The following CLC variants were observed in gnomAD, a reference collection of about 807,000 sequenced individuals.
The protein encoded by CLC is Charcot-Leyden crystal galectin, also known as galectin-10.
CLC carries 15 observed loss-of-function variants against 13.9 expected under a neutral mutation model. The observed-to-expected ratio is 1.08, with a 90% CI of 0.72 to 1.66. The LOEUF is 1.66. CLC is among the 40% of genes most tolerant of loss of function. The pLI is 0.00. For missense variants in CLC, 161 were observed against 169.1 expected (o/e 0.95, Z 0.27); for synonymous variants, 68 against 59.9 (o/e 1.14, Z -0.63).
intron 3 of CLC, 52 bp from the exon 4 acceptor site, chr19:39,731,557 T>C (rs1248175853): frequency 1.3e-6 from 2 of 1,556,706 alleles, no homozygotes; most frequent in Non-Finnish European, 1.7e-6. Flanking sequence ...CAAACAAGCT[T>C]TCAGCCTGCT....
chr19:39,736,312 C>T (rs1967308773), intron 1 of CLC, among the ~76,000 whole-genome samples: 1 of 152,134 alleles, frequency 6.6e-6, no homozygotes, highest in East Asian at 1.9e-4. Flanking sequence ...GGGCAATGGA[C>T]GTCCTTCCCA....
chr19:39,737,568 C>T (rs1967332185), intron 1 of CLC, among the ~76,000 whole-genome samples: 1 of 151,996 alleles, frequency 6.6e-6, no homozygotes, highest in Non-Finnish European at 1.5e-5. Flanking sequence ...CGGCTGTGCT[C>T]ACACACACAC....
intron 2 of CLC, 41 bp from the exon 3 acceptor site, chr19:39,734,534 G>C: frequency 6.5e-7 from 1 of 1,540,054 alleles, no homozygotes; most frequent in Admixed American, 1.7e-5. Flanking sequence ...TCCCTTTCTT[G>C]TGGGGCACAC....
intron 1 of CLC, among the ~76,000 whole-genome samples, chr19:39,736,158 T>G (rs929366171): frequency 3.3e-5 from 5 of 151,330 alleles, no homozygotes; most frequent in Non-Finnish European, 7.4e-5. Flanking sequence ...AACTTGAGAT[T>G]GTGAGTTTTA....
intron 1 of CLC, among the ~76,000 whole-genome samples, 165 bp downstream of exon 1, chr19:39,737,773 C>A (rs959253451): frequency 6.6e-6 from 1 of 152,142 alleles, no homozygotes; most frequent in African/African-American, 2.4e-5. Flanking sequence ...CCCCCTACCC[C>A]AGGAGCATCT....
chr19:39,734,672 A>C lies in CLC; in HGVS notation c.93-179T>G, dbSNP rs1967281099. Reference sequence around the variant, plus strand: ...CTCCATGGGTGGAAAGAGATGCTCCAGCCCTCATCCACAGATGGAAACTGA... The same window carrying C: ...CTCCATGGGTGGAAAGAGATGCTCCCGCCCTCATCCACAGATGGAAACTGA... On this transcript the variant is annotated intron_variant, in intron 2 of 3. Coordinates refer to ENST00000221804, the MANE Select transcript of CLC (RefSeq NM_001828.6). Among the ~76,000 whole-genome samples, 3 of 152,310 alleles carry C rather than the reference A, an allele frequency of 2.0e-5. No individual in the cohort carries two copies. In the South Asian group the frequency reaches 6.2e-4, roughly 32 times the overall value.
At chr19:39,732,709 A>G (rs1967244218) in intron 3 of CLC, among the ~76,000 whole-genome samples, 2 of 149,194 alleles carry the variant, frequency 1.3e-5, no homozygotes, top group African/African-American at 2.5e-5. Context: ...ACAGTGTAAA[A>G]GTGTTCCTGT....
intron 2 of CLC, 56 bp from the exon 3 acceptor site, chr19:39,734,549 G>A: frequency 6.9e-7 from 1 of 1,444,598 alleles, no homozygotes. Flanking sequence ...GCACACACAA[G>A]ACACACACAC....
At chr19:39,731,610 C>T (rs780809009) in intron 3 of CLC, 105 bp from the exon 4 acceptor site, 126 of 1,233,906 alleles carry the variant, frequency 1.0e-4, no homozygotes, top group Non-Finnish European at 1.3e-4. Flanking sequence ...CCAGAAAATG[C>T]CTCATTATAT....
intron 1 of CLC, among the ~76,000 whole-genome samples, chr19:39,735,334 C>CT (rs1181937016): frequency 3.9e-5 from 6 of 151,924 alleles, no homozygotes; most frequent in Non-Finnish European, 7.4e-5. Context: ...TGTTTTGAAC[C>CT]TTTTTTTTAG....
chr19:39,734,589 A>G (rs1353374085), intron 2 of CLC, 96 bp from the exon 3 acceptor site: 2 of 1,055,226 alleles, frequency 1.9e-6, no homozygotes, highest in African/African-American at 3.1e-5. Context: ...GTGGTCGAGC[A>G]AAGACTTGTT....
In CLC at chr19:39,731,329, G is replaced by A. The variant is rs1301186815; in HGVS notation, c.*51C>T. ...AAGATCATGCTGTTAGCTGGCTTTG[G>A]AATCCCAAGTTCACGTAGAGACAGG... On this transcript the variant is annotated 3_prime_UTR_variant, in exon 4 of 4. Coordinates refer to ENST00000221804, the MANE Select transcript of CLC (RefSeq NM_001828.6). The A allele has an allele frequency of 3.1e-6, 5 of 1,594,760 alleles. No homozygotes were observed. The highest frequency in any genetic ancestry group is 1.7e-5 in the Admixed American group (1 of 59,890).
intron 1 of CLC, 147 bp from the exon 2 acceptor site, chr19:39,735,220 T>G: frequency 1.6e-6 from 1 of 612,644 alleles, no homozygotes; most frequent in Non-Finnish European, 2.9e-6. Flanking sequence ...GGACCCCGTA[T>G]TTTTCAAAAC....
chr19:39,735,846 CTG>C lies in CLC; in HGVS notation c.16-775_16-774del, dbSNP rs562362836. 3.7e-3 allele frequency among the ~76,000 whole-genome samples: 562 copies of C among 152,272 alleles called. 3 individuals carry two copies. The highest frequency in any genetic ancestry group is 4.6e-3 in the Non-Finnish European group (312 of 68,032). On this transcript the variant is annotated intron_variant, in intron 1 of 3. Transcript: ENST00000221804. ...CCTGCGATCATCTTCAACTCTGAAA[CTG>C]TGAAAACAAGATGTGAGGATGTAAC... is the stretch of plus-strand genomic sequence containing the variant.
At chr19:39,736,403 A>C (rs926520022) in intron 1 of CLC, among the ~76,000 whole-genome samples, 2 of 152,152 alleles carry the variant, frequency 1.3e-5, no homozygotes, top group African/African-American at 2.4e-5. Flanking sequence ...ATTGGCTAGA[A>C]TCTATAAATG....
intron 1 of CLC, among the ~76,000 whole-genome samples, chr19:39,736,114 C>T (rs1025876821): frequency 2.0e-5 from 3 of 151,446 alleles, no homozygotes; most frequent in Non-Finnish European, 4.4e-5. Context: ...CTCCAAGCAT[C>T]GTTTGACTGT....
intron 1 of CLC, among the ~76,000 whole-genome samples, chr19:39,736,633 G>A (rs910447356): frequency 1.3e-5 from 2 of 152,116 alleles, no homozygotes; most frequent in African/African-American, 4.8e-5. Flanking sequence ...AAATTAGCCA[G>A]GAGTGGTGGC....
At position 39,734,293 on chromosome 19, in the gene CLC, T is replaced by C. The variant is rs750873907; in HGVS notation, c.293A>G (p.Asp98Gly). The change falls in exon 3 of 4, where the codon GAT (aspartate) becomes GGT (glycine). Residue 98 changes from aspartate to glycine, a missense_variant. Transcript: ENST00000221804. ...TCCTGGGGTGCTCACCTGGTACTTA[T>C]CTGGCAGCACTGAGATGCTCAGTTC... ...EFELSISVLPDKYQVMVNGQS... is the reference protein window; with the variant it reads ...EFELSISVLPGKYQVMVNGQS... The C allele has an allele frequency of 1.2e-6, 2 of 1,613,720 alleles. No homozygotes were observed. Among genetic ancestry groups the C allele is most frequent in the Admixed American group, 3.3e-5 (2 of 60,014 alleles).
chr19:39,734,863 C>G, intron 2 of CLC, 134 bp downstream of exon 2: 2 of 704,514 alleles, frequency 2.8e-6, no homozygotes, highest in Non-Finnish European at 5.0e-6. Context: ...GCTGGAGGGT[C>G]TCCAGGACCT....
Sources: gnomAD v4.1 joint callset for allele counts (sites outside exome capture counted in the v4.1 genomes callset) on GRCh38, gnomAD v4.1.1 for gene constraint, MANE v1.5 for transcripts, NCBI Gene and HGNC (gene_info 2026-07-23, HGNC 2026-07-21) for gene names.